The following VSTM4 variants were observed in gnomAD, a reference collection of about 807,000 sequenced individuals.
VSTM4 encodes V-set and transmembrane domain-containing protein 4.
In VSTM4, 20 loss-of-function variants were observed where a neutral mutation model predicts 36.4. The observed-to-expected ratio is 0.55, with a 90% CI of 0.39 to 0.80. The LOEUF is 0.80. VSTM4 is among the 30% of genes least tolerant of loss of function. VSTM4 has a pLI of 0.00. For missense variants in VSTM4, 392 were observed against 404.5 expected (o/e 0.97, Z 0.26); for synonymous variants, 182 against 173.9 (o/e 1.05, Z -0.37).
chr10:49,100,813 A>G (rs1844653064), intron 2 of VSTM4, among the ~76,000 whole-genome samples: 1 of 152,110 alleles, frequency 6.6e-6, no homozygotes, highest in Non-Finnish European at 1.5e-5. Flanking sequence ...AAAAATAATG[A>G]GGATATTTGC....
intron 1 of VSTM4, among the ~76,000 whole-genome samples, chr10:49,109,922 G>T (rs1463667624): frequency 6.6e-6 from 1 of 152,228 alleles, no homozygotes; most frequent in African/African-American, 2.4e-5. Context: ...TGTTAAATTA[G>T]TCAGAAGACA....
At chr10:49,065,284 C>T (rs1157455627) in intron 4 of VSTM4, among the ~76,000 whole-genome samples, 3 of 152,164 alleles carry the variant, frequency 2.0e-5, no homozygotes, top group Non-Finnish European at 4.4e-5. Flanking sequence ...AGCAAGTGTC[C>T]ACTCTGAGGT....
intron 7 of VSTM4, among the ~76,000 whole-genome samples, chr10:49,034,019 T>C (rs1196422846): frequency 6.6e-6 from 1 of 151,886 alleles, no homozygotes; most frequent in Non-Finnish European, 1.5e-5. Context: ...ATCATCACCA[T>C]TATTACCAAC....
intron 2 of VSTM4, among the ~76,000 whole-genome samples, chr10:49,091,579 G>A (rs189938587): frequency 6.6e-6 from 1 of 152,260 alleles, no homozygotes; most frequent in Admixed American, 6.5e-5. Flanking sequence ...TTCCTGCCTT[G>A]GAAAGAACAC....
At chr10:49,044,067 C>T (rs1358014007) in intron 7 of VSTM4, among the ~76,000 whole-genome samples, 4 of 152,174 alleles carry the variant, frequency 2.6e-5, no homozygotes, top group Admixed American at 6.6e-5. Flanking sequence ...GTGGCTCATG[C>T]CTGTAATCCC....
chr10:49,051,390 C>CTT lies in VSTM4; in HGVS notation c.669-2808_669-2807dup, dbSNP rs796786621. ...CTTCTCATGGCTTGACAGCTCATTT[C>CTT]TTTTTTTTTTTTTTTTTTCTTTTTT... On this transcript the variant is annotated intron_variant, in intron 5 of 7. Coordinates refer to ENST00000332853, the MANE Select transcript of VSTM4 (RefSeq NM_001031746.5). Among the ~76,000 whole-genome samples, 780 of 130,788 alleles carry CTT rather than the reference C, an allele frequency of 6.0e-3. 7 individuals are homozygous for CTT. Among genetic ancestry groups the CTT allele is most frequent in the Non-Finnish European group, 9.2e-3 (573 of 62,320 alleles). 85.8% of individuals were successfully genotyped at this position (130,788 alleles called of 152,430 possible).
rs1843153622 is a variant in VSTM4 at position 49,019,742 on chromosome 10, C to T, written c.871G>A (p.Glu291Lys). 2.5e-6 allele frequency: 4 copies of T among 1,613,644 alleles called. No individual in the cohort carries two copies. Among genetic ancestry groups the T allele is most frequent in the African/African-American group, 1.3e-5 (1 of 74,984 alleles). ...KIAEENLTYA[E>K]LELIKPHRAA... ...CGGTGGGGTTTGATCAGCTCCAGTT[C>T]GGCATAGGTTAAGTTTTCCTCAGCA... The change falls in exon 8 of 8, where the codon GAA becomes AAA. Residue 291 changes from glutamate (E) to lysine (K), a missense_variant. Physicochemically the swap from Glu to Lys is moderately conservative, Grantham distance 56. Coordinates refer to ENST00000332853, the MANE Select transcript of VSTM4 (RefSeq NM_001031746.5).
intron 4 of VSTM4, among the ~76,000 whole-genome samples, chr10:49,072,814 G>C (rs949357555): frequency 5.3e-5 from 8 of 152,188 alleles, no homozygotes; most frequent in African/African-American, 1.9e-4. Context: ...TCCAGTCCTG[G>C]TCAACTTCAG....
chr10:49,105,198 G>GGA (rs1844752267), intron 2 of VSTM4, among the ~76,000 whole-genome samples: 3 of 73,570 alleles, frequency 4.1e-5, no homozygotes, highest in Admixed American at 1.4e-4. Context: ...AGAGAGAGAG[G>GGA]GAGAGACAGA....
At chr10:49,096,069 T>A (rs1422669967) in intron 2 of VSTM4, among the ~76,000 whole-genome samples, 2 of 152,246 alleles carry the variant, frequency 1.3e-5, no homozygotes, top group African/African-American at 4.8e-5. Context: ...TCTGGACCTG[T>A]TGACACTTTA....
At position 49,031,281 on chromosome 10, in the gene VSTM4, G is replaced by A. The variant is rs182953135; in HGVS notation, c.838-11506C>T. ...ATTTACTAGCTGTGTGACCTCGGACGAGGTACTTCACCTCTTTATTCCTCC... is the reference window on the plus strand; with the variant it reads ...ATTTACTAGCTGTGTGACCTCGGACAAGGTACTTCACCTCTTTATTCCTCC... On this transcript the variant is annotated intron_variant, in intron 7 of 7. Coordinates refer to ENST00000332853, the MANE Select transcript of VSTM4 (RefSeq NM_001031746.5). Among the ~76,000 whole-genome samples, 7 of 152,246 alleles carry A rather than the reference G, an allele frequency of 4.6e-5. No homozygotes were observed. The East Asian group carries it at 7.7e-4, about 17-fold the overall frequency.
chr10:49,072,374 C>T (rs553273020), intron 4 of VSTM4, among the ~76,000 whole-genome samples: 7 of 152,312 alleles, frequency 4.6e-5, no homozygotes, highest in Admixed American at 1.3e-4. Flanking sequence ...CTCAGCACCA[C>T]CAATCCTCAG....
chr10:49,084,341 T>G (rs1844332691), intron 3 of VSTM4, among the ~76,000 whole-genome samples: 1 of 152,222 alleles, frequency 6.6e-6, no homozygotes, highest in African/African-American at 2.4e-5. Flanking sequence ...CACTGTTGGA[T>G]TCTCATGAGT....
Position 49,076,424 on chromosome 10 carries a change from G to GAACCGGAAGTAC in VSTM4, c.634+794_634+795insGTACTTCCGGTT, listed in dbSNP as rs1844179379. On this transcript the variant is annotated intron_variant, in intron 4 of 7. Coordinates refer to ENST00000332853, the MANE Select transcript of VSTM4 (RefSeq NM_001031746.5). ...GGAGGTTGTCAGCCTGTAAGTAAGG[G>GAACCGGAAGTAC]AGCCACTGGAACCGGAGTCGGTCCA... 7.9e-5 allele frequency among the ~76,000 whole-genome samples: 12 copies of GAACCGGAAGTAC among 152,312 alleles called. No individual in the cohort carries two copies. The South Asian group carries it at 1.9e-3, about 24-fold the overall frequency.
chr10:49,045,157 A>G (rs551257503), intron 7 of VSTM4, among the ~76,000 whole-genome samples: 156 of 152,086 alleles, frequency 1.0e-3, no homozygotes, highest in African/African-American at 3.4e-3. Context: ...CGCCCTCAAG[A>G]TTGTCTTGGC....
At position 49,087,920 on chromosome 10, in the gene VSTM4, T is replaced by C. The variant is rs557390520; in HGVS notation, c.458-1897A>G. 1.3e-4 allele frequency among the ~76,000 whole-genome samples: 19 copies of C among 142,666 alleles called. No homozygotes were observed. The East Asian group carries it at 1.7e-3, about 13-fold the overall frequency. The allele number at this position is 142,666 out of a possible 152,430, so 93.6% of individuals were successfully genotyped here. On this transcript the variant is annotated intron_variant, in intron 2 of 7. Coordinates refer to ENST00000332853, the MANE Select transcript of VSTM4 (RefSeq NM_001031746.5). ...TATATATGTTATATATGTATATATA[T>C]ACATATGTAATATATATGTATATAT...
At chr10:49,036,002 G>A (rs1843424552) in intron 7 of VSTM4, among the ~76,000 whole-genome samples, 1 of 152,270 alleles carries the variant, frequency 6.6e-6, no homozygotes, top group South Asian at 2.1e-4. Context: ...GCAGTAGAGG[G>A]GCCTTGGCAC....
intron 4 of VSTM4, among the ~76,000 whole-genome samples, chr10:49,070,409 T>C (rs1200809181): frequency 7.7e-6 from 1 of 129,352 alleles, no homozygotes; most frequent in Non-Finnish European, 1.6e-5. Context: ...TGAATGTGAC[T>C]ACTAAAAAAA....
rs117889669 is a variant in VSTM4 at position 49,026,618 on chromosome 10, G to T, written c.838-6843C>A. 7.0e-3 allele frequency among the ~76,000 whole-genome samples: 1,068 copies of T among 152,316 alleles called. 38 individuals carry two copies. Among genetic ancestry groups the T allele is most frequent in the Admixed American group, 0.054 (825 of 15,312 alleles). ...TCATCTCTGGGTGCCACCCTGCCAT[G>T]GTGGCAGCCTGCTGCCTGCTGCCCT... On this transcript the variant is annotated intron_variant, in intron 7 of 7. Coordinates refer to ENST00000332853, the MANE Select transcript of VSTM4 (RefSeq NM_001031746.5).
Sources: gnomAD v4.1 joint callset for allele counts (sites outside exome capture counted in the v4.1 genomes callset) on GRCh38, gnomAD v4.1.1 for gene constraint, MANE v1.5 for transcripts, NCBI Gene and HGNC (gene_info 2026-07-23, HGNC 2026-07-21) for gene names.